The following IRAK2 variants were observed in gnomAD, a reference collection of about 807,000 sequenced individuals.
The protein encoded by IRAK2 is interleukin 1 receptor associated kinase 2, also known as interleukin-1 receptor-associated kinase-like 2.
A neutral mutation model predicts 72.0 loss-of-function variants in IRAK2; 57 were observed. That is an observed-to-expected ratio of 0.79 (90% CI 0.64 to 0.99). The LOEUF (loss-of-function observed/expected upper bound fraction) is 0.99, where lower values mean the gene tolerates loss of function less well. Ranked by LOEUF, IRAK2 falls within the 50% of genes least tolerant of loss-of-function variation. The pLI is 0.00. For synonymous variants in IRAK2, 293 were observed against 312.7 expected (o/e 0.94, Z 0.67); for missense variants, 790 against 794.4 (o/e 0.99, Z 0.07).
chr3:10,234,558 T>A lies in IRAK2; in HGVS notation c.1372T>A (p.Tyr458Asn), dbSNP rs769571240. 4.3e-6 allele frequency: 7 copies of A among 1,614,030 alleles called. No individual in the cohort carries two copies. Among genetic ancestry groups the A allele is most frequent in the Non-Finnish European group, 5.9e-6 (7 of 1,180,006 alleles). ...NVMAKEICQK[Y>N]LEKGAGRLPE... is the part of the protein sequence containing the mutation. ...GATGGCAAAGGAGATCTGCCAGAAG[T>A]ACCTGGAGAAGGGCGCAGGGAGGCT... The change falls in exon 11 of 13, where the codon TAC (tyrosine) becomes AAC (asparagine). Residue 458 changes from tyrosine (Y) to asparagine (N), a missense_variant. By Grantham distance (143) the Tyr-to-Asn change is moderately radical. Transcript: ENST00000256458.
intron 3 of IRAK2, among the ~76,000 whole-genome samples, 196 bp downstream of exon 3, chr3:10,200,711 A>G (rs1037161580): frequency 6.6e-5 from 10 of 152,196 alleles, no homozygotes; most frequent in African/African-American, 2.2e-4. Flanking sequence ...AGCCTAGGCA[A>G]CCTGGTGAGA....
At chr3:10,241,989 A>G (rs1340483784) in intron 12 of IRAK2, 127 bp from the exon 13 acceptor site, 4 of 503,562 alleles carry the variant, frequency 7.9e-6, no homozygotes, top group Non-Finnish European at 1.4e-5. Context: ...AAAAAAAGAA[A>G]AAAAAAAAAA....
intron 4 of IRAK2, among the ~76,000 whole-genome samples, chr3:10,209,905 C>G (rs1466457550): frequency 6.6e-6 from 1 of 152,024 alleles, no homozygotes; most frequent in Non-Finnish European, 1.5e-5. Flanking sequence ...GAATATACTT[C>G]TTGTTTTTTA....
At chr3:10,203,099 C>T (rs1057309914) in intron 3 of IRAK2, among the ~76,000 whole-genome samples, 13 of 152,020 alleles carry the variant, frequency 8.6e-5, no homozygotes, top group Non-Finnish European at 1.5e-5. Context: ...CGGGTTCAAG[C>T]GATCCTGCTG....
rs1698009390 is a variant in IRAK2, at chr3:10,238,891, C to G, written c.1617C>G (p.Ala539=). Residue 539 remains alanine, a synonymous_variant, in exon 12 of 13, where the codon GCC becomes GCG. Transcript: ENST00000256458. ...TDDVDNSSLD[A]SSSMSVAPWA... Reference sequence around the variant, plus strand: ...ACGTTGACAATTCCAGCCTTGATGCCTCCTCCTCCATGAGTGTGGCACCCT... The same window carrying G: ...ACGTTGACAATTCCAGCCTTGATGCGTCCTCCTCCATGAGTGTGGCACCCT... 6.2e-7 allele frequency: 1 copy of G among 1,614,002 alleles called. No individual in the cohort carries two copies. The highest frequency in any genetic ancestry group is 1.3e-5 in the African/African-American group (1 of 74,898).
intron 1 of IRAK2, among the ~76,000 whole-genome samples, chr3:10,171,026 C>A (rs1349008478): frequency 6.6e-6 from 1 of 152,190 alleles, no homozygotes; most frequent in Admixed American, 6.5e-5. Flanking sequence ...TTCAGAAGAT[C>A]CCGCAGCCAC....
chr3:10,197,094 C>T (rs929454908), intron 2 of IRAK2, among the ~76,000 whole-genome samples: 2 of 151,856 alleles, frequency 1.3e-5, no homozygotes, highest in Non-Finnish European at 2.9e-5. Flanking sequence ...CAATATAAAA[C>T]AGGCCAGGCG....
intron 2 of IRAK2, among the ~76,000 whole-genome samples, chr3:10,179,260 T>C (rs552920589): frequency 6.6e-6 from 1 of 151,142 alleles, no homozygotes; most frequent in Admixed American, 6.6e-5. Context: ...ATGTTCCTTC[T>C]AGCATTTTTC....
At chr3:10,213,798 G>C (rs1697560674) in intron 6 of IRAK2, among the ~76,000 whole-genome samples, 1 of 152,116 alleles carries the variant, frequency 6.6e-6, no homozygotes, top group African/African-American at 2.4e-5. Context: ...ACCTGGTTTG[G>C]CTCCAGAGTC....
intron 11 of IRAK2, among the ~76,000 whole-genome samples, chr3:10,238,544 G>A (rs1344954332): frequency 1.3e-5 from 2 of 152,122 alleles, no homozygotes; most frequent in Non-Finnish European, 2.9e-5. Context: ...GCCCATGTTG[G>A]GTCACGCCGT....
intron 1 of IRAK2, among the ~76,000 whole-genome samples, chr3:10,172,424 G>T (rs1462876895): frequency 6.6e-6 from 1 of 151,274 alleles, no homozygotes; most frequent in African/African-American, 2.4e-5. Flanking sequence ...TGTAATCCCA[G>T]CTATTCGGGA....
chr3:10,228,028 A>C (rs1575987456), intron 10 of IRAK2, among the ~76,000 whole-genome samples: 1 of 151,960 alleles, frequency 6.6e-6, no homozygotes, highest in East Asian at 1.9e-4. Context: ...TATCATTCCC[A>C]TTTACAGCTG....
intron 1 of IRAK2, among the ~76,000 whole-genome samples, chr3:10,169,477 A>C (rs1696758756): frequency 6.6e-6 from 1 of 152,154 alleles, no homozygotes. Flanking sequence ...ATCAATTATT[A>C]ATATTCCTTG....
chr3:10,232,121 C>T (rs1419710943), intron 10 of IRAK2, among the ~76,000 whole-genome samples: 5 of 135,790 alleles, frequency 3.7e-5, no homozygotes, highest in South Asian at 2.9e-4. Flanking sequence ...AGCGAGACTC[C>T]GTCTCAACAA....
Position 10,165,048 on chromosome 3 carries a change from G to T in IRAK2, c.94G>T (p.Ala32Ser). ...ALSEWDWMEFASYVITDLTQL... is the reference protein window; with the variant it reads ...ALSEWDWMEFSSYVITDLTQL... ...CAGCGAGTGGGACTGGATGGAGTTCGGTGAGTGCGGCCCGGGGAGGGGAGG... is the reference window on the plus strand; with the variant it reads ...CAGCGAGTGGGACTGGATGGAGTTCTGTGAGTGCGGCCCGGGGAGGGGAGG... Residue 32 changes from alanine to serine, a missense_variant and splice_region_variant, in exon 1 of 13, where the codon GCC becomes TCC. Transcript: ENST00000256458. 1 of 1,609,538 alleles carries T rather than the reference G, an allele frequency of 6.2e-7. No homozygotes were observed. The highest frequency in any genetic ancestry group is 8.5e-7 in the Non-Finnish European group (1 of 1,178,670).
chr3:10,174,068 T>C (rs1484126698), intron 1 of IRAK2, among the ~76,000 whole-genome samples: 6 of 152,132 alleles, frequency 3.9e-5, no homozygotes, highest in Admixed American at 2.6e-4. Flanking sequence ...CATTACGTCA[T>C]GCTGCCTCCC....
intron 1 of IRAK2, 100 bp downstream of exon 1, chr3:10,165,148 CG>C: frequency 9.7e-7 from 1 of 1,036,236 alleles, no homozygotes; most frequent in Non-Finnish European, 1.4e-6. Context: ...CCGGGTTCAG[CG>C]GGTCCCGATC....
intron 6 of IRAK2, among the ~76,000 whole-genome samples, chr3:10,216,646 A>T (rs1386553142): frequency 6.6e-6 from 1 of 152,048 alleles, no homozygotes; most frequent in Non-Finnish European, 1.5e-5. Flanking sequence ...CTAGTTTGTG[A>T]CCTTGGGCAA....
chr3:10,242,176 T>G lies in IRAK2; in HGVS notation c.1826T>G (p.Ile609Ser). Residue 609 changes from isoleucine (I) to serine (S), a missense_variant, in exon 13 of 13, where the codon ATT (isoleucine) becomes AGT (serine). Coordinates refer to ENST00000256458, the MANE Select transcript of IRAK2 (RefSeq NM_001570.4). ...GCCAAAAGGAAACTGATGGAGAATA[T>G]TCTGCTCTACAAAGAGGAAAAAGTG... ...NEAKRKLMEN[I>S]LLYKEEKVDS... 1 of 1,613,834 alleles carries G rather than the reference T, an allele frequency of 6.2e-7. No homozygotes were observed. The highest frequency in any genetic ancestry group is 1.1e-5 in the South Asian group (1 of 91,058).
Sources: allele counts gnomAD v4.1 joint callset (sites outside exome capture counted in the v4.1 genomes callset), GRCh38; gene constraint gnomAD v4.1.1; transcripts MANE v1.5; gene names NCBI Gene and HGNC (gene_info 2026-07-23, HGNC 2026-07-21).